The following CWC27 variants were observed in gnomAD, a reference collection of about 807,000 sequenced individuals.
CWC27 encodes the protein spliceosome-associated protein CWC27 homolog.
Under a neutral mutation model 63.6 loss-of-function variants are expected in CWC27, and 47 were observed. The ratio of observed to expected loss-of-function variants is 0.74; its 90% CI spans 0.58 to 0.94. The LOEUF is 0.94. Among genes scored for constraint, CWC27 ranks in the 40% least tolerant of loss-of-function variants. The pLI, the probability that CWC27 is intolerant of heterozygous loss-of-function variation, is 0.00. For missense variants in CWC27, 495 were observed against 554.3 expected, an observed-to-expected ratio of 0.89 and a Z score of 1.07; for synonymous variants, 175 against 179.8, an observed-to-expected ratio of 0.97 and a Z score of 0.22.
chr5:65,012,764 T>C (rs1404541323), intron 13 of CWC27, among the ~76,000 whole-genome samples: 2 of 152,202 alleles, frequency 1.3e-5, no homozygotes, highest in African/African-American at 4.8e-5. Flanking sequence ...AACCAGCTGT[T>C]CTCCATCTCT....
chr5:64,871,889 G>A (rs1166563534), intron 10 of CWC27, among the ~76,000 whole-genome samples: 1 of 152,070 alleles, frequency 6.6e-6, no homozygotes, highest in African/African-American at 2.4e-5. Flanking sequence ...TTGCTCTTCT[G>A]TCTTGAAAAA....
intron 11 of CWC27, among the ~76,000 whole-genome samples, chr5:64,886,181 G>A (rs150297403): frequency 4.6e-5 from 7 of 151,720 alleles, no homozygotes; most frequent in African/African-American, 1.4e-4. Flanking sequence ...GTTTCACTAC[G>A]ATTTTTATTA....
chr5:64,945,123 G>A (rs1253645546), intron 11 of CWC27, among the ~76,000 whole-genome samples: 2 of 152,018 alleles, frequency 1.3e-5, no homozygotes, highest in Non-Finnish European at 2.9e-5. Context: ...TGTTCACATG[G>A]CTCATTCCCT....
At chr5:65,009,553 A>G (rs1749908659) in intron 13 of CWC27, among the ~76,000 whole-genome samples, 1 of 152,204 alleles carries the variant, frequency 6.6e-6, no homozygotes, top group African/African-American at 2.4e-5. Context: ...GGCCTTTGGA[A>G]GGAAATGCTT....
chr5:64,876,389 G>A (rs906019209), intron 10 of CWC27, among the ~76,000 whole-genome samples: 2 of 152,000 alleles, frequency 1.3e-5, no homozygotes, highest in Non-Finnish European at 2.9e-5. Flanking sequence ...ATACTGTTTG[G>A]TTTTCAATCA....
chr5:64,888,804 G>C (rs1372475472), intron 11 of CWC27, among the ~76,000 whole-genome samples: 5 of 151,974 alleles, frequency 3.3e-5, no homozygotes, highest in East Asian at 3.8e-4. Context: ...GAAACTTGAA[G>C]AGAAACAGAA....
At chr5:64,999,205 C>T (rs1218767357) in intron 13 of CWC27, among the ~76,000 whole-genome samples, 4 of 152,018 alleles carry the variant, frequency 2.6e-5, no homozygotes, top group African/African-American at 7.2e-5. Flanking sequence ...TATGCTTGTA[C>T]ATAAACACTT....
chr5:64,888,129 G>A (rs192651300), intron 11 of CWC27, among the ~76,000 whole-genome samples: 4 of 151,888 alleles, frequency 2.6e-5, no homozygotes, highest in Admixed American at 6.6e-5. Flanking sequence ...AAGATCAGCC[G>A]GAAGTATCTT....
At chr5:64,966,938 G>T (rs771926979) in intron 11 of CWC27, among the ~76,000 whole-genome samples, 4 of 152,196 alleles carry the variant, frequency 2.6e-5, no homozygotes, top group Non-Finnish European at 5.9e-5. Context: ...TGGATTGGAA[G>T]TTGTTCATTG....
intron 7 of CWC27, among the ~76,000 whole-genome samples, chr5:64,789,822 A>G (rs1200392693): frequency 6.6e-6 from 1 of 152,206 alleles, no homozygotes; most frequent in Non-Finnish European, 1.5e-5. Flanking sequence ...TGAGAACTAA[A>G]GGATTAGGTT....
chr5:64,828,393 C>A (rs1000340860), intron 10 of CWC27, among the ~76,000 whole-genome samples: 11 of 152,042 alleles, frequency 7.2e-5, no homozygotes, highest in Non-Finnish European at 1.3e-4. Context: ...ACTCCTATAA[C>A]AAAATACCAT....
chr5:64,781,782 G>T, intron 2 of CWC27, 139 bp from the exon 3 acceptor site: 2 of 461,638 alleles, frequency 4.3e-6, no homozygotes, highest in South Asian at 5.8e-5. Flanking sequence ...TTATAAGAAG[G>T]AGGATACAAA....
At chr5:64,872,765 C>G (rs908303383) in intron 10 of CWC27, among the ~76,000 whole-genome samples, 2 of 152,120 alleles carry the variant, frequency 1.3e-5, no homozygotes, top group Non-Finnish European at 2.9e-5. Context: ...TCTTTAAATC[C>G]TGATCGACAT....
intron 12 of CWC27, among the ~76,000 whole-genome samples, chr5:64,975,465 G>C (rs2112445525): frequency 6.6e-6 from 1 of 152,164 alleles, no homozygotes; most frequent in Middle Eastern, 3.4e-3. Flanking sequence ...CGGACAGGTA[G>C]TATTTTATCC....
chr5:65,001,801 G>C (rs916331712), intron 13 of CWC27, among the ~76,000 whole-genome samples: 1 of 151,338 alleles, frequency 6.6e-6, no homozygotes, highest in African/African-American at 2.4e-5. Context: ...TTATGTCCTT[G>C]TCTGGTTTTG....
At chr5:64,860,428 T>C (rs1746369491) in intron 10 of CWC27, among the ~76,000 whole-genome samples, 1 of 152,180 alleles carries the variant, frequency 6.6e-6, no homozygotes, top group Non-Finnish European at 1.5e-5. Context: ...CCCTATGAAC[T>C]GCCCTTGGTT....
chr5:65,001,042 G>A (rs1749723278), intron 13 of CWC27, among the ~76,000 whole-genome samples: 1 of 151,608 alleles, frequency 6.6e-6, no homozygotes, highest in Non-Finnish European at 1.5e-5. Flanking sequence ...GTCCACCTTG[G>A]TTAAATTTAT....
chr5:65,007,880 G>A (rs1389701420), intron 13 of CWC27, among the ~76,000 whole-genome samples: 3 of 151,942 alleles, frequency 2.0e-5, no homozygotes, highest in East Asian at 1.9e-4. Flanking sequence ...CGCCCGCCTC[G>A]GCCTCCCAAA....
At chr5:64,999,605 T>C (rs370572800) in intron 13 of CWC27, among the ~76,000 whole-genome samples, 8 of 152,128 alleles carry the variant, frequency 5.3e-5, no homozygotes, top group African/African-American at 1.7e-4. Flanking sequence ...CTTCTCTGCC[T>C]GGCTTATTTC....
Sources: gnomAD v4.1 joint callset for allele counts (sites outside exome capture counted in the v4.1 genomes callset) on GRCh38, gnomAD v4.1.1 for gene constraint, MANE v1.5 for transcripts, NCBI Gene and HGNC (gene_info 2026-07-23, HGNC 2026-07-21) for gene names.